The following CIB1 variants were observed in gnomAD, a reference collection of about 807,000 sequenced individuals.
The protein encoded by CIB1 is calcium and integrin-binding protein 1.
Under a neutral mutation model 25.0 loss-of-function variants are expected in CIB1, and 19 were observed. The ratio of observed to expected loss-of-function variants is 0.76; its 90% CI spans 0.53 to 1.12. The LOEUF is 1.12. CIB1 is among the 50% of genes most tolerant of loss of function. The pLI is 0.00. For synonymous variants in CIB1, 104 were observed against 98.5 expected, an observed-to-expected ratio of 1.06 and a Z score of -0.33; for missense variants, 236 against 242.6, an observed-to-expected ratio of 0.97 and a Z score of 0.18.
chr15:90,250,816 G>A, the CIB1 span: 10 of 1,614,102 alleles, frequency 6.2e-6, no homozygotes, highest in African/African-American at 2.7e-5. Context: ...CAAAAATTCC[G>A]AAGAAAGTCA....
Position 90,233,874 on chromosome 15 carries a change from C to T in CIB1, c.12G>A (p.Ser4=). The change falls in exon 1 of 7, where the codon TCG becomes TCA. Residue 4 remains serine (S), a synonymous_variant. Coordinates refer to ENST00000328649, the MANE Select transcript of CIB1 (RefSeq NM_006384.4). ...GCAGCTCCTTGGACAGGCGACTGCC[C>T]GAGCCCCCCATCGCCCCGCCGCGCG... The part of the protein sequence containing the change: MGG[S]GSRLSKELLA... 1 of 1,487,128 alleles carries T rather than the reference C, an allele frequency of 6.7e-7. No homozygotes were observed. Among genetic ancestry groups the T allele is most frequent in the Non-Finnish European group, 8.9e-7 (1 of 1,120,744 alleles). The allele number at this position is 1,487,128 out of a possible 1,614,324, so 92.1% of individuals were successfully genotyped here. A position where few individuals can be genotyped will look rare whatever the true frequency, so the allele number is the denominator to read the frequency against.
At chr15:90,256,250 G>A in the CIB1 span, 2 of 1,614,192 alleles carry the variant, frequency 1.2e-6, no homozygotes, top group South Asian at 2.2e-5. Flanking sequence ...AAATCCCCGG[G>A]AGATCAAGCC....
At chr15:90,242,368 TC>T in the CIB1 span, 1 of 173,438 alleles carries the variant, frequency 5.8e-6, no homozygotes, top group South Asian at 1.9e-4. Flanking sequence ...GAAGCAGTCC[TC>T]CCACCTCGGC....
the CIB1 span, among the ~76,000 whole-genome samples, chr15:90,260,446 G>C: frequency 6.6e-6 from 1 of 152,346 alleles, no homozygotes; most frequent in South Asian, 2.1e-4. Flanking sequence ...ATAGCGAACT[G>C]AGACTGCATC....
chr15:90,258,918 G>A, the CIB1 span: 42 of 1,614,062 alleles, frequency 2.6e-5, no homozygotes, highest in African/African-American at 1.6e-4. Context: ...CGACAGCCAC[G>A]AGAATCTAGG....
At chr15:90,253,189 C>A in the CIB1 span, 1 of 1,431,320 alleles carries the variant, frequency 7.0e-7, no homozygotes, top group Non-Finnish European at 9.8e-7. Context: ...CCCAGCTACA[C>A]AGTTCCAGGG....
chr15:90,265,179 G>A, the CIB1 span: 2 of 1,307,844 alleles, frequency 1.5e-6, no homozygotes, highest in South Asian at 3.2e-5. Flanking sequence ...AAGATGAAGA[G>A]GCGCCAAGGC....
the CIB1 span, among the ~76,000 whole-genome samples, chr15:90,255,228 G>T: frequency 6.6e-6 from 1 of 152,174 alleles, no homozygotes; most frequent in African/African-American, 2.4e-5. Context: ...TCTTTACTTG[G>T]TGGCATCCCG....
rs145803459 is a variant in CIB1 at position 90,230,952 on chromosome 15, C to A, written c.536G>T (p.Arg179Leu). 3 of 1,613,908 alleles carry A rather than the reference C, an allele frequency of 1.9e-6. No homozygotes were observed. In the African/African-American group the frequency reaches 4.0e-5, roughly 22 times the overall value. ...NLSEFQHVIS[R>L]SPDFASSFKI... Reference sequence around the variant, plus strand: ...GTCATACCTGGCAAAGTCTGGAGAACGGGAGATGACGTGCTGGAACTCAGA... The same window carrying A: ...GTCATACCTGGCAAAGTCTGGAGAAAGGGAGATGACGTGCTGGAACTCAGA... The change falls in exon 6 of 7, where the codon CGT becomes CTT. Residue 179 changes from arginine (R) to leucine (L), a missense_variant. Physicochemically the swap from Arg to Leu is moderately radical, Grantham distance 102. Transcript: ENST00000328649.
the CIB1 span, chr15:90,250,609 C>A: frequency 1.2e-6 from 2 of 1,607,224 alleles, no homozygotes; most frequent in Non-Finnish European, 1.7e-6. Context: ...TCCCACCCCG[C>A]AACCCCTCAG....
At chr15:90,255,742 G>C in the CIB1 span, 1 of 1,614,120 alleles carries the variant, frequency 6.2e-7, no homozygotes, top group East Asian at 2.2e-5. Context: ...CATACTAACT[G>C]GCTGTGTTTC....
At chr15:90,233,757 C>G (rs1324834555) in intron 1 of CIB1, 54 bp from the exon 2 acceptor site, 3 of 1,553,384 alleles carry the variant, frequency 1.9e-6, no homozygotes, top group Non-Finnish European at 2.6e-6. Context: ...GCCGCGGCCG[C>G]CCCGCAGCCA....
chr15:90,251,482 T>G, the CIB1 span: 7 of 1,416,738 alleles, frequency 4.9e-6, no homozygotes, highest in Non-Finnish European at 6.0e-6. Flanking sequence ...GTGAATTTGT[T>G]GGATGTCTTT....
chr15:90,255,833 CT>C, the CIB1 span: 1 of 1,614,194 alleles, frequency 6.2e-7, no homozygotes, highest in Admixed American at 1.7e-5. Context: ...CATGTACAAA[CT>C]CTATCCCTCT....
the CIB1 span, chr15:90,263,987 A>G: frequency 1.3e-6 from 2 of 1,535,938 alleles, no homozygotes; most frequent in East Asian, 4.9e-5. Context: ...GCAGCCATCA[A>G]CTCCTGTTCA....
the CIB1 span, chr15:90,250,846 C>A: frequency 6.2e-7 from 1 of 1,614,108 alleles, no homozygotes; most frequent in Admixed American, 1.7e-5. Flanking sequence ...TTGACACAGG[C>A]GACTTAGAAG....
chr15:90,258,706 G>A, the CIB1 span: 1 of 1,574,754 alleles, frequency 6.4e-7, no homozygotes, highest in Non-Finnish European at 8.7e-7. Flanking sequence ...TGCTCAGGTG[G>A]TCTGGGAAAG....
the CIB1 span, chr15:90,258,801 C>G: frequency 1.2e-6 from 2 of 1,614,162 alleles, no homozygotes; most frequent in Non-Finnish European, 8.5e-7. Context: ...GTAAAGGATG[C>G]ACTTCTCTGT....
intron 2 of CIB1, among the ~76,000 whole-genome samples, chr15:90,232,917 G>A (rs939278764): frequency 7.4e-5 from 11 of 148,694 alleles, no homozygotes; most frequent in Non-Finnish European, 1.2e-4. Context: ...GCGACAGAGC[G>A]AGACGCTGTC....
Sources: gnomAD v4.1 joint callset for allele counts (sites outside exome capture counted in the v4.1 genomes callset) on GRCh38, gnomAD v4.1.1 for gene constraint, MANE v1.5 for transcripts, NCBI Gene and HGNC (gene_info 2026-07-23, HGNC 2026-07-21) for gene names.